The following TP73 variants were observed in gnomAD, a reference collection of about 807,000 sequenced individuals.
The protein encoded by TP73 is p53-like transcription factor.
A neutral mutation model predicts 62.5 loss-of-function variants in TP73; 25 were observed. That is an observed-to-expected ratio of 0.40 (90% CI 0.29 to 0.56). TP73 has a LOEUF of 0.56. Among genes scored for constraint, TP73 ranks in the 20% least tolerant of loss-of-function variants. The pLI, the probability that TP73 is intolerant of heterozygous loss-of-function variation, is 0.46. For synonymous variants in TP73, 423 were observed against 377.5 expected (o/e 1.12, Z -1.40); for missense variants, 754 against 913.3 (o/e 0.83, Z 2.25).
rs372638078 is a variant in TP73 at position 3,704,272 on chromosome 1, C to G, written c.187-3277C>G. Among the ~76,000 whole-genome samples, 126 of 152,304 alleles carry G rather than the reference C, an allele frequency of 8.3e-4. 6 individuals are homozygous for G. In the South Asian group the frequency reaches 0.019, roughly 23 times the overall value. On this transcript the variant is annotated intron_variant, in intron 3 of 13. Transcript: ENST00000378295. ...TCCTGTATTCACCCGTAACTGTGAT[C>G]GTTTCAGCCTGTAATCAGTAGGAAA...
intron 4 of TP73, among the ~76,000 whole-genome samples, chr1:3,718,508 G>A (rs1450752972): frequency 6.6e-6 from 1 of 152,122 alleles, no homozygotes; most frequent in Non-Finnish European, 1.5e-5. Context: ...AGGCGGGCGG[G>A]AGCTCAGGCT....
At chr1:3,732,631 C>G in intron 13 of TP73, 116 bp from the exon 14 acceptor site, 1 of 909,248 alleles carries the variant, frequency 1.1e-6, no homozygotes, top group South Asian at 1.8e-5. Flanking sequence ...CCTGCCTACT[C>G]TGGTTGGGGG....
rs777862506 is a variant in TP73 at position 3,728,135 on chromosome 1, A to G, written c.992A>G (p.Lys331Arg). Residue 331 changes from lysine (K) to arginine (R), a missense_variant, in exon 9 of 14, where the codon AAG becomes AGG. Physicochemically the swap from Lys to Arg is conservative, Grantham distance 26. This residue lies in a region of TP73 where 458 missense variants were observed against 528.7 expected (regional missense o/e 0.87). Coordinates refer to ENST00000378295, the MANE Select transcript of TP73 (RefSeq NM_005427.4). ...GCCCTGCCTGGCCTTCCAGCCTTCAAGCAGAGCCCCCCTGCCGTCCCCGCC... is the reference window on the plus strand; with the variant it reads ...GCCCTGCCTGGCCTTCCAGCCTTCAGGCAGAGCCCCCCTGCCGTCCCCGCC... The part of the protein sequence containing the change: ...KNGAASKRAF[K>R]QSPPAVPALG... 1.2e-6 allele frequency: 2 copies of G among 1,610,286 alleles called. No individual in the cohort carries two copies. The highest frequency in any genetic ancestry group is 2.7e-5 in the African/African-American group (2 of 74,926).
intron 1 of TP73, among the ~76,000 whole-genome samples, chr1:3,674,513 G>C (rs182339507): frequency 6.6e-6 from 1 of 152,234 alleles, no homozygotes; most frequent in African/African-American, 2.4e-5. Flanking sequence ...ACAGGCCTTC[G>C]TCCCTGCCCC....
chr1:3,735,385 GC>G lies in TP73; in HGVS notation c.*2307del, dbSNP rs1380163697. The G allele has an allele frequency of 1.3e-5, 2 of 151,358 alleles. No individual in the cohort carries two copies. Among genetic ancestry groups the G allele is most frequent in the Non-Finnish European group, 2.9e-5 (2 of 67,906 alleles). The allele number at this position is 151,358 out of a possible 1,614,324, so 9.4% of individuals were successfully genotyped here. Reference sequence around the variant, plus strand: ...CCCCTGTAGTGTGCTCCTGGGAAGGGCTGGGGGGGCTGGGGGGGCTGGGAGA... The same window carrying G: ...CCCCTGTAGTGTGCTCCTGGGAAGGGTGGGGGGGCTGGGGGGGCTGGGAGA... On this transcript the variant is annotated 3_prime_UTR_variant, in exon 14 of 14. Coordinates refer to ENST00000378295, the MANE Select transcript of TP73 (RefSeq NM_005427.4).
chr1:3,702,134 C>G (rs896509170), intron 3 of TP73, among the ~76,000 whole-genome samples: 1 of 152,192 alleles, frequency 6.6e-6, no homozygotes, highest in Non-Finnish European at 1.5e-5. Context: ...CCAGCTTGGC[C>G]GACGGTAGAT....
intron 3 of TP73, chr1:3,698,270 C>T (rs1570496843): frequency 4.2e-6 from 1 of 240,624 alleles, no homozygotes; most frequent in Non-Finnish European, 6.7e-6. Context: ...GGGAGAGAAG[C>T]GTGTGTGAGC....
intron 1 of TP73, among the ~76,000 whole-genome samples, chr1:3,671,665 G>A (rs891440889): frequency 1.5e-4 from 23 of 152,228 alleles, no homozygotes; most frequent in Admixed American, 3.9e-4. Flanking sequence ...TCGCCCTCTC[G>A]GGGCCTCTGG....
intron 4 of TP73, among the ~76,000 whole-genome samples, chr1:3,720,664 T>C (rs1032575553): frequency 3.3e-5 from 5 of 152,330 alleles, no homozygotes; most frequent in Admixed American, 2.6e-4. Flanking sequence ...CTCCCCTGTC[T>C]CTTTCCTTTT....
At chr1:3,702,960 C>A (rs985774013) in intron 3 of TP73, among the ~76,000 whole-genome samples, 1 of 152,186 alleles carries the variant, frequency 6.6e-6, no homozygotes, top group African/African-American at 2.4e-5. Context: ...CAGCTTGACC[C>A]CGAGCAGGAG....
In TP73 at chr1:3,727,768, G is replaced by A. The variant is rs369265280; in HGVS notation, c.983G>A (p.Arg328His). 125 of 1,535,806 alleles carry A rather than the reference G, an allele frequency of 8.1e-5. 1 individual carries two copies. The highest frequency in any genetic ancestry group is 9.9e-5 in the Non-Finnish European group (113 of 1,140,014). Reference sequence around the variant, plus strand: ...GCCAAGAACGGGGCCGCCAGCAAGCGTGGTGAGCGGCCGGCCAGGGGAACT... The same window carrying A: ...GCCAAGAACGGGGCCGCCAGCAAGCATGGTGAGCGGCCGGCCAGGGGAACT... The part of the protein sequence containing the change: ...SSAKNGAASK[R>H]AFKQSPPAVP... Residue 328 changes from arginine (R) to histidine (H), a missense_variant and splice_region_variant, in exon 8 of 14, where the codon CGT becomes CAT. Transcript: ENST00000378295.
chr1:3,726,984 C>A, intron 6 of TP73, 131 bp from the exon 7 acceptor site: 1 of 636,866 alleles, frequency 1.6e-6, no homozygotes, highest in Non-Finnish European at 2.7e-6. Context: ...ATACAAATGG[C>A]AACAACTATA....
At position 3,699,895 on chromosome 1, in the gene TP73, A is replaced by G. The variant is rs377268414; in HGVS notation, c.187-7654A>G. Among the ~76,000 whole-genome samples, 2 of 152,016 alleles carry G rather than the reference A, an allele frequency of 1.3e-5. No individual in the cohort carries two copies. Among genetic ancestry groups the G allele is most frequent in the East Asian group, 1.9e-4 (1 of 5,152 alleles). Reference sequence around the variant, plus strand: ...ATCCTAAGTGATTAGGATCAGAGGAATCTCTGTTTCCAAGAGAAGGGGGAC... The same window carrying G: ...ATCCTAAGTGATTAGGATCAGAGGAGTCTCTGTTTCCAAGAGAAGGGGGAC... On this transcript the variant is annotated intron_variant, in intron 3 of 13. Coordinates refer to ENST00000378295, the MANE Select transcript of TP73 (RefSeq NM_005427.4). This position sits in a 1 kb window ranked among gnomAD's most constrained non-coding sequence, Gnocchi z 4.1.
chr1:3,654,346 T>G (rs750602333), intron 1 of TP73, among the ~76,000 whole-genome samples: 2 of 152,172 alleles, frequency 1.3e-5, no homozygotes, highest in Non-Finnish European at 2.9e-5. Context: ...CTTGCAGTCC[T>G]TCTCGTGAAA....
chr1:3,703,391 G>A (rs1172285548), intron 3 of TP73, among the ~76,000 whole-genome samples: 2 of 152,220 alleles, frequency 1.3e-5, no homozygotes, highest in African/African-American at 4.8e-5. Context: ...CCTGAGGAAG[G>A]CCCTGCTAAG....
intron 3 of TP73, among the ~76,000 whole-genome samples, chr1:3,704,166 G>A (rs776485730): frequency 2.0e-5 from 3 of 152,244 alleles, no homozygotes; most frequent in Non-Finnish European, 4.4e-5. Flanking sequence ...TGTCGGCTCC[G>A]AGCCGTGTGT....
chr1:3,707,835 G>A (rs768436665), intron 4 of TP73, 44 bp downstream of exon 4: 5 of 1,587,962 alleles, frequency 3.1e-6, no homozygotes, highest in Non-Finnish European at 3.4e-6. Context: ...GCGGGCTGCG[G>A]GCTGGAGAGG....
rs1024582301 is a variant in TP73, at chr1:3,658,422, C to T, written c.-34+5781C>T. Among the ~76,000 whole-genome samples the T allele has an allele frequency of 3.3e-4, 50 of 152,236 alleles. No homozygotes were observed. The Middle Eastern group carries it at 0.014, about 41-fold the overall frequency. On this transcript the variant is annotated intron_variant, in intron 1 of 13. Transcript: ENST00000378295. The stretch of plus-strand genomic sequence containing the variant: ...AGACTCAGCAGTAACCAGATGGGAG[C>T]GGTGCAGATGTCCGTCCTCTGTGAC...
At position 3,670,448 on chromosome 1, in the gene TP73, A is replaced by G. The variant is rs910248372; in HGVS notation, c.-33-11885A>G. ...GGGAGGCTGAGGCGGGTGGATCAAC[A>G]GAGGTCAGGAGTTCGAGAGCAACCT... On this transcript the variant is annotated intron_variant, in intron 1 of 13. Coordinates refer to ENST00000378295, the MANE Select transcript of TP73 (RefSeq NM_005427.4). This position sits in a 1 kb window ranked among gnomAD's most constrained non-coding sequence, Gnocchi z 5.9. Among the ~76,000 whole-genome samples the G allele has an allele frequency of 2.6e-5, 4 of 151,970 alleles. No homozygotes were observed. The highest frequency in any genetic ancestry group is 9.7e-5 in the African/African-American group (4 of 41,378).
Sources: allele counts gnomAD v4.1 joint callset (sites outside exome capture counted in the v4.1 genomes callset), GRCh38; gene constraint gnomAD v4.1.1; regional missense constraint gnomAD v4.1.1; non-coding constraint Gnocchi (gnomAD v3.1); transcripts MANE v1.5; gene names NCBI Gene and HGNC (gene_info 2026-07-23, HGNC 2026-07-21).